PKHD1: variants seen among roughly 807,000 people sequenced by gnomAD.
PKHD1 encodes the protein PKHD1 ciliary IPT domain containing fibrocystin/polyductin, also known as fibrocystin.
PKHD1 carries 291 observed loss-of-function variants against 412.0 expected under a neutral mutation model. The ratio of observed to expected loss-of-function variants is 0.71; its 90% CI spans 0.64 to 0.78. The LOEUF is 0.78. Among genes scored for constraint, PKHD1 ranks in the 30% least tolerant of loss-of-function variants. PKHD1 has a pLI of 0.00. For missense variants in PKHD1, 4,825 were observed against 4,950.7 expected, an observed-to-expected ratio of 0.97 and a Z score of 0.76; for synonymous variants, 1,777 against 1,821.5, an observed-to-expected ratio of 0.98 and a Z score of 0.62.
At chr6:51,738,891 A>G (rs1223275025) in intron 60 of PKHD1, among the ~76,000 whole-genome samples, 1 of 151,994 alleles carries the variant, frequency 6.6e-6, no homozygotes, top group Non-Finnish European at 1.5e-5. Flanking sequence ...AAATGCAACT[A>G]TTTCAAATAG....
At chr6:51,887,041 C>T (rs565929955) in intron 44 of PKHD1, 92 bp downstream of exon 44, 4 of 844,938 alleles carry the variant, frequency 4.7e-6, no homozygotes, top group East Asian at 2.5e-5. Context: ...CAATCTCCAA[C>T]AAATGCCCAA....
intron 6 of PKHD1, among the ~76,000 whole-genome samples, chr6:52,075,311 G>T (rs560389991): frequency 1.4e-4 from 22 of 152,238 alleles, no homozygotes; most frequent in Admixed American, 3.9e-4. Context: ...TCTTCATTTT[G>T]ACATGCTTGA....
intron 60 of PKHD1, among the ~76,000 whole-genome samples, chr6:51,726,822 GAAT>G (rs1426570336): frequency 6.6e-6 from 1 of 152,148 alleles, no homozygotes; most frequent in East Asian, 1.9e-4. Context: ...ATGGTGTGCT[GAAT>G]AATAGCCTCC....
At chr6:51,989,933 A>AGGGAGGG (rs1473902938) in intron 35 of PKHD1, among the ~76,000 whole-genome samples, 1 of 75,996 alleles carries the variant, frequency 1.3e-5, no homozygotes, top group Non-Finnish European at 2.9e-5. Context: ...GGAAGGAAGG[A>AGGGAGGG]AAGAAGGAAG....
chr6:52,052,052 TC>T (rs1290776354), intron 21 of PKHD1, among the ~76,000 whole-genome samples: 1 of 152,162 alleles, frequency 6.6e-6, no homozygotes, highest in Non-Finnish European at 1.5e-5. Flanking sequence ...TTGCCACCCA[TC>T]CCCAAGTTCC....
chr6:51,874,853 G>A lies in PKHD1; in HGVS notation c.7351-4214C>T, dbSNP rs1369043706. On this transcript the variant is annotated intron_variant, in intron 46 of 66. Coordinates refer to ENST00000371117, the MANE Select transcript of PKHD1 (RefSeq NM_138694.4). ...TTTCTGCATTTCCATCTGAGGTACC[G>A]GGTTCATCTCACTAGGGAGTGCCAG... 2.8e-5 allele frequency among the ~76,000 whole-genome samples: 3 copies of A among 105,734 alleles called. 1 individual carries two copies. The East Asian group carries it at 2.9e-3, about 103-fold the overall frequency. The allele number at this position is 105,734 out of a possible 152,430, so 69.4% of individuals were successfully genotyped here.
intron 64 of PKHD1, 34 bp from the exon 65 acceptor site, chr6:51,632,757 T>C (rs1316759977): frequency 7.0e-6 from 11 of 1,564,252 alleles, no homozygotes; most frequent in Non-Finnish European, 9.7e-6. Context: ...TTCAATGATA[T>C]GTTAATAAGA....
intron 49 of PKHD1, among the ~76,000 whole-genome samples, chr6:51,849,064 C>A (rs561008528): frequency 8.9e-4 from 136 of 152,110 alleles, no homozygotes; most frequent in Non-Finnish European, 1.4e-3. Context: ...CCTCCTACCC[C>A]CAAACAGGCC....
intron 53 of PKHD1, among the ~76,000 whole-genome samples, chr6:51,777,749 A>T (rs1236687506): frequency 6.6e-6 from 1 of 151,050 alleles, no homozygotes; most frequent in Non-Finnish European, 1.5e-5. Context: ...GAGAGAAAAA[A>T]GTAGGACAGT....
intron 51 of PKHD1, among the ~76,000 whole-genome samples, chr6:51,834,603 T>C (rs981759162): frequency 8.5e-5 from 13 of 152,284 alleles, no homozygotes; most frequent in African/African-American, 3.1e-4. Flanking sequence ...TTTACTGTTT[T>C]ACGTAGAGCT....
At chr6:51,711,836 A>G (rs1326386580) in intron 60 of PKHD1, among the ~76,000 whole-genome samples, 1 of 152,226 alleles carries the variant, frequency 6.6e-6, no homozygotes, top group Non-Finnish European at 1.5e-5. Flanking sequence ...AAAAAGAAAG[A>G]TAAATGTTTC....
chr6:51,658,822 A>G (rs1387144850), intron 61 of PKHD1, 130 bp downstream of exon 61: 14 of 688,600 alleles, frequency 2.0e-5, no homozygotes, highest in Non-Finnish European at 2.3e-5. Context: ...GACTCTTTGA[A>G]TTTTTATTCT....
chr6:51,717,188 G>T (rs1020931245), intron 60 of PKHD1, among the ~76,000 whole-genome samples: 6 of 152,216 alleles, frequency 3.9e-5, no homozygotes, highest in Non-Finnish European at 7.3e-5. Flanking sequence ...AAGGCAGGCG[G>T]ATCACTTGAG....
At chr6:51,919,035 G>A (rs1283526976) in intron 37 of PKHD1, among the ~76,000 whole-genome samples, 1 of 152,112 alleles carries the variant, frequency 6.6e-6, no homozygotes, top group African/African-American at 2.4e-5. Context: ...TTAGCCCTTT[G>A]TCAGATGGAT....
chr6:51,891,080 C>G (rs948090818), intron 43 of PKHD1, among the ~76,000 whole-genome samples: 10 of 152,202 alleles, frequency 6.6e-5, no homozygotes, highest in Non-Finnish European at 1.5e-4. Context: ...GGGAGTTTTA[C>G]TACATTCTCA....
intron 43 of PKHD1, among the ~76,000 whole-genome samples, chr6:51,896,302 C>T (rs9349605): frequency 0.35 from 51,952 of 149,758 alleles, 9,680 homozygotes; most frequent in East Asian, 0.73. Flanking sequence ...TCTCCCAGCA[C>T]GCAGCTGGAG....
chr6:51,751,557 T>A (rs898274875), intron 57 of PKHD1, among the ~76,000 whole-genome samples: 1 of 152,212 alleles, frequency 6.6e-6, no homozygotes, highest in Non-Finnish European at 1.5e-5. Flanking sequence ...TTGCAGCTTT[T>A]CTATAAATCC....
chr6:52,013,317 G>A (rs924115030), intron 34 of PKHD1, among the ~76,000 whole-genome samples: 6 of 152,194 alleles, frequency 3.9e-5, no homozygotes, highest in African/African-American at 1.4e-4. Context: ...TTGCTCTGAA[G>A]AGAATTAAAC....
chr6:51,721,557 ACAC>A (rs1011889808), intron 60 of PKHD1: 6 of 997,016 alleles, frequency 6.0e-6, no homozygotes, highest in Non-Finnish European at 7.2e-6. Context: ...AAAGATTTCA[ACAC>A]CACCAATTTA....
Sources: allele counts gnomAD v4.1 joint callset (sites outside exome capture counted in the v4.1 genomes callset), GRCh38; gene constraint gnomAD v4.1.1; transcripts MANE v1.5; gene names NCBI Gene and HGNC (gene_info 2026-07-23, HGNC 2026-07-21).